Variants in MRC1 observed in about 807,000 individuals in gnomAD.
MRC1 encodes mannose receptor C-type 1, also known as macrophage mannose receptor 1.
A neutral mutation model predicts 102.9 loss-of-function variants in MRC1; 62 were observed. That is an observed-to-expected ratio of 0.60 (90% CI 0.49 to 0.74). MRC1 has a LOEUF of 0.74. Ranked by LOEUF, MRC1 falls within the 30% of genes least tolerant of loss-of-function variation. The pLI, the probability that MRC1 is intolerant of heterozygous loss-of-function variation, is 0.00. For synonymous variants in MRC1, 457 were observed against 298.4 expected, an observed-to-expected ratio of 1.53 and a Z score of -5.48; for missense variants, 1,237 against 862.8, an observed-to-expected ratio of 1.43 and a Z score of -5.43.
intron 26 of MRC1, 38 bp downstream of exon 26, chr10:17,902,160 A>G (rs1833837694): frequency 1.6e-5 from 12 of 770,356 alleles, no homozygotes; most frequent in Non-Finnish European, 2.7e-5. Context: ...CTCCATAATC[A>G]TCTATTCTGG....
chr10:17,892,284 T>TC (rs1268327610), intron 22 of MRC1, among the ~76,000 whole-genome samples: 7 of 152,204 alleles, frequency 4.6e-5, no homozygotes, highest in African/African-American at 1.4e-4. Context: ...TAGGACTGCC[T>TC]CCCCATGCAC....
At chr10:17,870,776 G>C in intron 13 of MRC1, 72 bp from the exon 14 acceptor site, 1 of 847,328 alleles carries the variant, frequency 1.2e-6, no homozygotes, top group East Asian at 2.4e-5. Context: ...TTCAAATGTG[G>C]TTAGTCCTCA....
At chr10:17,828,884 A>T (rs1213484816) in intron 3 of MRC1, among the ~76,000 whole-genome samples, 1 of 151,454 alleles carries the variant, frequency 6.6e-6, no homozygotes, top group African/African-American at 2.5e-5. Flanking sequence ...GGTGGAGTGG[A>T]GGAGGGCGTC....
chr10:17,824,163 A>G (rs1384320180), intron 2 of MRC1, among the ~76,000 whole-genome samples: 2 of 152,222 alleles, frequency 1.3e-5, no homozygotes, highest in African/African-American at 4.8e-5. Context: ...AAATCAGAGT[A>G]TTTAGTTCTT....
chr10:17,901,542 A>G (rs1267727368), intron 25 of MRC1, among the ~76,000 whole-genome samples: 1 of 152,014 alleles, frequency 6.6e-6, no homozygotes, highest in Non-Finnish European at 1.5e-5. Context: ...TACAAAAACT[A>G]GCTGGGTCTG....
intron 12 of MRC1, among the ~76,000 whole-genome samples, chr10:17,867,217 C>T (rs1589185417): frequency 6.7e-6 from 1 of 149,938 alleles, no homozygotes; most frequent in African/African-American, 2.5e-5. Context: ...CTCCCTCCTC[C>T]TTCCTCCATC....
intron 10 of MRC1, among the ~76,000 whole-genome samples, chr10:17,863,201 T>G (rs1833210180): frequency 6.6e-6 from 1 of 152,210 alleles, no homozygotes; most frequent in African/African-American, 2.4e-5. Flanking sequence ...ACATTGTATT[T>G]TAAAATGCAT....
intron 13 of MRC1, 134 bp from the exon 14 acceptor site, chr10:17,870,714 G>A (rs1431143262): frequency 1.3e-6 from 1 of 768,706 alleles, no homozygotes; most frequent in African/African-American, 1.7e-5. Flanking sequence ...CTTCTATTTA[G>A]CTGTTAAATC....
intron 16 of MRC1, among the ~76,000 whole-genome samples, chr10:17,874,034 G>C (rs967958159): frequency 1.3e-5 from 2 of 152,294 alleles, no homozygotes; most frequent in Non-Finnish European, 1.5e-5. Flanking sequence ...AGTTTCTCAA[G>C]GGTTCATGAA....
intron 4 of MRC1, among the ~76,000 whole-genome samples, chr10:17,837,042 G>A (rs1383068535): frequency 6.6e-6 from 1 of 152,142 alleles, no homozygotes; most frequent in Non-Finnish European, 1.5e-5. Flanking sequence ...AGTGATCTGA[G>A]CGGACAGCGG....
intron 5 of MRC1, 184 bp from the exon 6 acceptor site, chr10:17,845,105 A>T (rs1309732717): frequency 2.6e-6 from 2 of 777,684 alleles, no homozygotes; most frequent in Non-Finnish European, 4.8e-6. Flanking sequence ...ACGATAAGAA[A>T]ACAATAGACA....
At chr10:17,841,515 T>G (rs2130626969) in intron 5 of MRC1, among the ~76,000 whole-genome samples, 1 of 152,302 alleles carries the variant, frequency 6.6e-6, no homozygotes, top group East Asian at 1.9e-4. Context: ...GCTTTCTAAT[T>G]TTTTTAGAGG....
chr10:17,835,318 G>A (rs1449191342), intron 4 of MRC1, among the ~76,000 whole-genome samples: 1 of 152,114 alleles, frequency 6.6e-6, no homozygotes, highest in Non-Finnish European at 1.5e-5. Flanking sequence ...ACATTAATTT[G>A]TTATTATTTA....
intron 3 of MRC1, among the ~76,000 whole-genome samples, chr10:17,831,305 G>A (rs1228422401): frequency 6.6e-6 from 1 of 151,112 alleles, no homozygotes; most frequent in Non-Finnish European, 1.5e-5. Flanking sequence ...TGGTCTCACC[G>A]ACATACACAT....
At chr10:17,904,807 A>G (rs1833875226) in intron 26 of MRC1, among the ~76,000 whole-genome samples, 1 of 152,210 alleles carries the variant, frequency 6.6e-6, no homozygotes, top group Non-Finnish European at 1.5e-5. Flanking sequence ...GGGCAAGGGC[A>G]CACTTCAATG....
At chr10:17,866,784 G>A (rs1833274890) in intron 12 of MRC1, 23 bp downstream of exon 12, 2 of 780,642 alleles carry the variant, frequency 2.6e-6, no homozygotes, top group South Asian at 1.3e-5. Flanking sequence ...TATAAAGCTG[G>A]TAAGAGAATC....
chr10:17,870,418 G>C (rs1341824729), intron 13 of MRC1, 45 bp downstream of exon 13: 5 of 779,696 alleles, frequency 6.4e-6, no homozygotes, highest in Middle Eastern at 2.2e-4. Flanking sequence ...TATCTAGTTG[G>C]TGCTTATGAA....
At chr10:17,849,838 T>C (rs558788480) in intron 7 of MRC1, 74 bp downstream of exon 7, 28,632 of 670,834 alleles carry the variant, frequency 0.043, 1,100 homozygotes, top group African/African-American at 0.12. Flanking sequence ...CTCTGGAAAA[T>C]TCTATCATAA....
At position 17,809,480 on chromosome 10, in the gene MRC1, G is replaced by A. The variant is rs994680682; in HGVS notation, c.15G>A (p.Leu5=). 7 of 872,760 alleles carry A rather than the reference G, an allele frequency of 8.0e-6. No individual in the cohort carries two copies. In the East Asian group the frequency reaches 1.4e-4, roughly 18 times the overall value. 54.1% of individuals were successfully genotyped at this position (872,760 alleles called of 1,614,324 possible). Residue 5 remains leucine, a synonymous_variant, in exon 1 of 30, where the codon CTG becomes CTA. Coordinates refer to ENST00000569591, the MANE Select transcript of MRC1 (RefSeq NM_002438.4). The part of the protein sequence containing the change: MRLP[L]LLVFASVIPG... ...AACCCTGGGCCATGAGGCTACCCCT[G>A]CTCCTGGTTTTTGCCTCTGTCATTC...
Sources: allele counts gnomAD v4.1 joint callset (sites outside exome capture counted in the v4.1 genomes callset), GRCh38; gene constraint gnomAD v4.1.1; transcripts MANE v1.5; gene names NCBI Gene and HGNC (gene_info 2026-07-23, HGNC 2026-07-21).